OLFM1: variants seen among roughly 807,000 people sequenced by gnomAD.
OLFM1 encodes the protein olfactomedin 1.
In OLFM1, 9 loss-of-function variants were observed where a neutral mutation model predicts 49.7. That is an observed-to-expected ratio of 0.18 (90% CI 0.11 to 0.32). The LOEUF (loss-of-function observed/expected upper bound fraction) is 0.32. Ranked by LOEUF, OLFM1 falls within the 10% of genes least tolerant of loss-of-function variation. The pLI, the probability that OLFM1 is intolerant of heterozygous loss-of-function variation, is 1.00. For synonymous variants in OLFM1, 240 were observed against 271.8 expected (o/e 0.88, Z 1.15); for missense variants, 369 against 661.8 (o/e 0.56, Z 4.85).
At chr9:135,091,924 C>T (rs867466466) in intron 2 of OLFM1, among the ~76,000 whole-genome samples, 3 of 151,850 alleles carry the variant, frequency 2.0e-5, no homozygotes, top group African/African-American at 4.8e-5. Flanking sequence ...TAGTCACACA[C>T]GTTCACACAC....
chr9:135,096,631 T>C (rs917267411), intron 3 of OLFM1, among the ~76,000 whole-genome samples: 2 of 152,172 alleles, frequency 1.3e-5, no homozygotes, highest in Non-Finnish European at 2.9e-5. Flanking sequence ...CCGAGCCAAG[T>C]CGAATATTAG....
At position 135,117,979 on chromosome 9, in the gene OLFM1, G is replaced by A. The variant is rs897354287; in HGVS notation, c.784-1525G>A. 3.9e-5 allele frequency among the ~76,000 whole-genome samples: 6 copies of A among 152,248 alleles called. No homozygotes were observed. The East Asian group carries it at 5.8e-4, about 15-fold the overall frequency. On this transcript the variant is annotated intron_variant, in intron 5 of 5. Transcript: ENST00000371793. The surrounding 1 kb of genome is among the most constrained non-coding windows in gnomAD (Gnocchi z 5.5). The stretch of plus-strand genomic sequence containing the variant: ...ATAGCTGTGTCTCCTTTTGAGGAGT[G>A]TGCTGGGTTTGGAGGTAGGACGTGG...
chr9:135,110,207 G>C (rs1831003133), intron 5 of OLFM1, among the ~76,000 whole-genome samples: 1 of 152,130 alleles, frequency 6.6e-6, no homozygotes, highest in Non-Finnish European at 1.5e-5. Flanking sequence ...CACCCACTGG[G>C]AGACCACATG....
intron 1 of OLFM1, chr9:135,076,117 G>A (rs1786720152): frequency 1.3e-6 from 2 of 1,545,972 alleles, no homozygotes; most frequent in African/African-American, 2.7e-5. Context: ...GGGGTCTTTG[G>A]CTGCTATTGT....
In OLFM1 at chr9:135,097,640, A is replaced by T; in HGVS notation, c.457-646A>T. ...GACGAGGGAATCTCAATAACTCTTA[A>T]AGCAGTTTGTTTTGACTAACTCGAG... is the stretch of plus-strand genomic sequence containing the variant. On this transcript the variant is annotated intron_variant, in intron 3 of 5. Transcript: ENST00000371793. 3 of 772,726 alleles carry T rather than the reference A, an allele frequency of 3.9e-6. No individual in the cohort carries two copies. The South Asian group carries it at 4.3e-5, about 11-fold the overall frequency. 47.9% of individuals were successfully genotyped at this position (772,726 alleles called of 1,614,324 possible).
chr9:135,087,133 G>A (rs1227287293), upstream of OLFM1: 1 of 1,089,010 alleles, frequency 9.2e-7, no homozygotes, highest in East Asian at 3.0e-5. Context: ...TCGCAGGGGC[G>A]CCTTTAGCTC....
At chr9:135,110,356 A>C (rs1831005042) in intron 5 of OLFM1, among the ~76,000 whole-genome samples, 2 of 152,078 alleles carry the variant, frequency 1.3e-5, no homozygotes, top group African/African-American at 4.8e-5. Context: ...CAGACACCAG[A>C]CACCAAAAAG....
chr9:135,096,696 T>A (rs1830803503), intron 3 of OLFM1, among the ~76,000 whole-genome samples: 1 of 152,218 alleles, frequency 6.6e-6, no homozygotes, highest in Non-Finnish European at 1.5e-5. Context: ...TGCAGGTAAA[T>A]CACATTAGCC....
intron 5 of OLFM1, among the ~76,000 whole-genome samples, chr9:135,107,302 A>G (rs1177332809): frequency 6.6e-6 from 1 of 152,202 alleles, no homozygotes; most frequent in East Asian, 1.9e-4. Flanking sequence ...TTCATTTGCC[A>G]TTCCTTTCAT....
At chr9:135,087,267 C>G, upstream of OLFM1, 1 of 1,458,174 alleles carries the variant, frequency 6.9e-7, no homozygotes, top group East Asian at 2.7e-5. Context: ...CTCGAATCAC[C>G]GCGGAAAAGG....
intron 5 of OLFM1, among the ~76,000 whole-genome samples, chr9:135,111,564 C>T (rs11103677): frequency 0.18 from 27,207 of 151,992 alleles, 2,557 homozygotes; most frequent in East Asian, 0.24. Flanking sequence ...GGGTGTGTTG[C>T]GGAGCTTGGG....
intron 5 of OLFM1, among the ~76,000 whole-genome samples, chr9:135,112,252 G>A (rs973425925): frequency 1.4e-4 from 21 of 152,174 alleles, no homozygotes; most frequent in African/African-American, 7.2e-5. Context: ...GGGGCCACCC[G>A]CCCTGTGGGG....
chr9:135,106,495 G>A, intron 4 of OLFM1: 2 of 482,842 alleles, frequency 4.1e-6, no homozygotes, highest in Non-Finnish European at 7.4e-6. Context: ...CTGGGAGGGC[G>A]GCCGTCTGCC....
chr9:135,076,217 C>T, intron 1 of OLFM1: 1 of 1,550,524 alleles, frequency 6.4e-7, no homozygotes, highest in East Asian at 2.4e-5. Flanking sequence ...CCAACACACA[C>T]CCCTGAGTGG....
intron 5 of OLFM1, among the ~76,000 whole-genome samples, chr9:135,108,497 G>A (rs993810566): frequency 9.9e-5 from 15 of 152,214 alleles, no homozygotes; most frequent in South Asian, 4.2e-4. Context: ...GCCAGGCGTG[G>A]TGGCGTGCAC....
intron 2 of OLFM1, among the ~76,000 whole-genome samples, chr9:135,091,511 TCA>T (rs71976478): frequency 1.6e-4 from 20 of 121,932 alleles, no homozygotes; most frequent in East Asian, 2.2e-4. Context: ...TCACACAGTC[TCA>T]CACACACATA....
Position 135,121,164 on chromosome 9 carries a change from A to G in OLFM1, c.*986A>G, listed in dbSNP as rs1337661186. On this transcript the variant is annotated 3_prime_UTR_variant, in exon 6 of 6. Transcript: ENST00000371793. ...ACTATCCAGTTATCTAAGGAACAAT[A>G]AAAACATTAGGAGATCTTTTTGCTT... The G allele has an allele frequency of 6.6e-6, 1 of 152,228 alleles. No homozygotes were observed. The highest frequency in any genetic ancestry group is 1.5e-5 in the Non-Finnish European group (1 of 68,042). 9.4% of individuals were successfully genotyped at this position (152,228 alleles called of 1,614,324 possible). A position where few individuals can be genotyped will look rare whatever the true frequency, so the allele number is the denominator to read the frequency against.
chr9:135,116,184 T>G (rs1425023030), intron 5 of OLFM1, among the ~76,000 whole-genome samples: 1 of 152,174 alleles, frequency 6.6e-6, no homozygotes, highest in South Asian at 2.1e-4. Flanking sequence ...GGACCTACTG[T>G]GAAGCACGGG....
At chr9:135,077,789 A>G (rs1830486997) in intron 1 of OLFM1, among the ~76,000 whole-genome samples, 2 of 152,184 alleles carry the variant, frequency 1.3e-5, no homozygotes, top group Admixed American at 1.3e-4. Context: ...CTGGCTTCTG[A>G]TAATTGTGCT....
Sources: allele counts gnomAD v4.1 joint callset (sites outside exome capture counted in the v4.1 genomes callset), GRCh38; gene constraint gnomAD v4.1.1; non-coding constraint Gnocchi (gnomAD v3.1); transcripts MANE v1.5; gene names NCBI Gene and HGNC (gene_info 2026-07-23, HGNC 2026-07-21).